Variants in STAT4 observed in about 807,000 individuals in gnomAD.
STAT4 encodes signal transducer and activator of transcription 4.
STAT4 carries 42 observed loss-of-function variants against 110.5 expected under a neutral mutation model. That is an observed-to-expected ratio of 0.38 (90% CI 0.30 to 0.49). The LOEUF (loss-of-function observed/expected upper bound fraction) is 0.49. Ranked by LOEUF, STAT4 falls within the 20% of genes least tolerant of loss-of-function variation. The probability of loss-of-function intolerance (pLI) is 0.95; values close to 1 mark genes in which losing one functional copy is unlikely to be tolerated. For synonymous variants in STAT4, 284 were observed against 302.2 expected (o/e 0.94, Z 0.63); for missense variants, 632 against 887.9 (o/e 0.71, Z 3.66).
intron 1 of STAT4, among the ~76,000 whole-genome samples, chr2:191,148,702 T>C (rs1031490749): frequency 2.0e-5 from 3 of 152,238 alleles, no homozygotes; most frequent in Non-Finnish European, 4.4e-5. Context: ...CAGATTTGTC[T>C]GGCTTCTAGA....
In STAT4 at chr2:191,033,289, T is replaced by G. The variant is rs916378953; in HGVS notation, c.1853-140A>C. 2.6e-6 allele frequency: 3 copies of G among 1,144,058 alleles called. No homozygotes were observed. Among genetic ancestry groups the G allele is most frequent in the African/African-American group, 3.1e-5 (2 of 63,630 alleles). 70.9% of individuals were successfully genotyped at this position (1,144,058 alleles called of 1,614,324 possible). Reference sequence around the variant, plus strand: ...CTTCAATGTCAGACCTTCTGCTGTCTGGACAGTATAGATTGTGCATACGAT... The same window carrying G: ...CTTCAATGTCAGACCTTCTGCTGTCGGGACAGTATAGATTGTGCATACGAT... On this transcript the variant is annotated intron_variant, in intron 20 of 23. Coordinates refer to ENST00000392320, the MANE Select transcript of STAT4 (RefSeq NM_003151.4). This position sits in a 1 kb window ranked among gnomAD's most constrained non-coding sequence, Gnocchi z 6.9.
At position 191,099,423 on chromosome 2, in the gene STAT4, C is replaced by A. The variant is rs1222151612; in HGVS notation, c.274-23098G>T. Reference sequence around the variant, plus strand: ...TATGTACAAGATCGTTTGTTTCAATCCTGTTTATAGTGGAGAACCAAAAGT... The same window carrying A: ...TATGTACAAGATCGTTTGTTTCAATACTGTTTATAGTGGAGAACCAAAAGT... On this transcript the variant is annotated intron_variant, in intron 3 of 23. Coordinates refer to ENST00000392320, the MANE Select transcript of STAT4 (RefSeq NM_003151.4). The surrounding 1 kb of genome is among the most constrained non-coding windows in gnomAD (Gnocchi z 4.1). Among the ~76,000 whole-genome samples, 1 of 152,064 alleles carries A rather than the reference C, an allele frequency of 6.6e-6. No homozygotes were observed. Among genetic ancestry groups the A allele is most frequent in the African/African-American group, 2.4e-5 (1 of 41,418 alleles).
chr2:191,107,931 A>G lies in STAT4; in HGVS notation c.274-31606T>C, dbSNP rs1402109722. 1.3e-5 allele frequency among the ~76,000 whole-genome samples: 2 copies of G among 152,190 alleles called. No homozygotes were observed. Among genetic ancestry groups the G allele is most frequent in the African/African-American group, 4.8e-5 (2 of 41,450 alleles). On this transcript the variant is annotated intron_variant, in intron 3 of 23. Transcript: ENST00000392320. The surrounding 1 kb of genome is among the most constrained non-coding windows in gnomAD (Gnocchi z 4.2). Reference sequence around the variant, plus strand: ...ATGCCCATATTTTACAAAATGGAGTAATTTTCATGATCTCTGAAAACTATT... The same window carrying G: ...ATGCCCATATTTTACAAAATGGAGTGATTTTCATGATCTCTGAAAACTATT...
intron 5 of STAT4, among the ~76,000 whole-genome samples, chr2:191,072,697 G>A (rs1697201081): frequency 6.6e-6 from 1 of 151,858 alleles, no homozygotes; most frequent in South Asian, 2.1e-4. Flanking sequence ...GACTGATTAT[G>A]GAAAAAAGAG....
chr2:191,031,091 T>G lies in STAT4; in HGVS notation c.2112-11A>C. On this transcript the variant is annotated splice_polypyrimidine_tract_variant and intron_variant, in intron 22 of 23. Coordinates refer to ENST00000392320, the MANE Select transcript of STAT4 (RefSeq NM_003151.4). This position sits in a 1 kb window ranked among gnomAD's most constrained non-coding sequence, Gnocchi z 4.8. ...GTTGAATCACTTCGGCTTAAAGAGA[T>G]AACAAGGTCAATATGGACAAGGATT... The G allele has an allele frequency of 6.2e-7, 1 of 1,612,540 alleles. No homozygotes were observed. The highest frequency in any genetic ancestry group is 1.1e-5 in the South Asian group (1 of 91,064).
chr2:191,106,385 C>T (rs1698281141), intron 3 of STAT4, among the ~76,000 whole-genome samples: 2 of 151,688 alleles, frequency 1.3e-5, no homozygotes, highest in Non-Finnish European at 2.9e-5. Context: ...TTAGGCTGGG[C>T]ACGGTGGCTC....
intron 3 of STAT4, among the ~76,000 whole-genome samples, chr2:191,103,596 G>A (rs1698202113): frequency 1.3e-5 from 2 of 152,040 alleles, no homozygotes; most frequent in Admixed American, 1.3e-4. Flanking sequence ...CATAGAGTTG[G>A]TCCTATTTCA....
Position 191,147,427 on chromosome 2 carries a change from G to T in STAT4, c.128+649C>A, listed in dbSNP as rs1574204763. ...AGTTACAAAAGGAAAAATATTGTGT[G>T]ATTCCAATTATCTAAAGTACCTAGA... On this transcript the variant is annotated intron_variant, in intron 2 of 23. Coordinates refer to ENST00000392320, the MANE Select transcript of STAT4 (RefSeq NM_003151.4). The surrounding 1 kb of genome is among the most constrained non-coding windows in gnomAD (Gnocchi z 4.1). Among the ~76,000 whole-genome samples, 1 of 152,152 alleles carries T rather than the reference G, an allele frequency of 6.6e-6. No individual in the cohort carries two copies. Among genetic ancestry groups the T allele is most frequent in the Non-Finnish European group, 1.5e-5 (1 of 68,022 alleles).
intron 13 of STAT4, among the ~76,000 whole-genome samples, chr2:191,057,354 C>T (rs1696727337): frequency 6.6e-6 from 1 of 152,160 alleles, no homozygotes; most frequent in Non-Finnish European, 1.5e-5. Flanking sequence ...TTCATTCTTT[C>T]AATGGCTGAA....
At chr2:191,139,413 A>C (rs1453987781) in intron 3 of STAT4, among the ~76,000 whole-genome samples, 1 of 152,218 alleles carries the variant, frequency 6.6e-6, no homozygotes, top group African/African-American at 2.4e-5. Context: ...CAGGATACGA[A>C]ATCAATGTAC....
At chr2:191,080,709 C>A (rs1320753341) in intron 3 of STAT4, among the ~76,000 whole-genome samples, 3 of 152,104 alleles carry the variant, frequency 2.0e-5, no homozygotes, top group Non-Finnish European at 2.9e-5. Flanking sequence ...AGGCAGATGT[C>A]CATGGAATCA....
rs534125703 is a variant in STAT4, at chr2:191,120,970, C to G, written c.273+25643G>C. Among the ~76,000 whole-genome samples, 279 of 152,282 alleles carry G rather than the reference C, an allele frequency of 1.8e-3. 6 individuals carry two copies. The South Asian group carries it at 0.055, about 30-fold the overall frequency. ...TCTGCACAGCAAAAGAAACTACCAT[C>G]AGAGTGAACAGGCAACCTACAGAGT... On this transcript the variant is annotated intron_variant, in intron 3 of 23. Transcript: ENST00000392320.
At chr2:191,040,056 TTAAGA>T (rs1696146883) in intron 15 of STAT4, among the ~76,000 whole-genome samples, 1 of 152,168 alleles carries the variant, frequency 6.6e-6, no homozygotes, top group Non-Finnish European at 1.5e-5. Context: ...ATTACCATCA[TTAAGA>T]TAAAAGAGCA....
At chr2:191,057,573 T>C (rs980558582) in intron 13 of STAT4, among the ~76,000 whole-genome samples, 12 of 70,838 alleles carry the variant, frequency 1.7e-4, no homozygotes, top group Admixed American at 2.3e-4. Context: ...TGGTTCCTAA[T>C]TTCTTTTCTT....
rs931765883 is a variant in STAT4, at chr2:191,051,213, G to A, written c.1251+3277C>T. Among the ~76,000 whole-genome samples, 3 of 152,228 alleles carry A rather than the reference G, an allele frequency of 2.0e-5. No individual in the cohort carries two copies. Among genetic ancestry groups the A allele is most frequent in the Non-Finnish European group, 4.4e-5 (3 of 68,042 alleles). ...GGACCACATCTCCAGCAGAGCACTT[G>A]ACAGGTGAGCAGAGAAGGAGAAAGA... On this transcript the variant is annotated intron_variant, in intron 14 of 23. Coordinates refer to ENST00000392320, the MANE Select transcript of STAT4 (RefSeq NM_003151.4). The surrounding 1 kb of genome is among the most constrained non-coding windows in gnomAD (Gnocchi z 5.6).
Position 191,029,907 on chromosome 2 carries a change from G to T in STAT4, c.2221-41C>A, listed in dbSNP as rs200818332. 4.8e-5 allele frequency: 71 copies of T among 1,477,660 alleles called. No individual in the cohort carries two copies. Among genetic ancestry groups the T allele is most frequent in the Non-Finnish European group, 8.4e-6 (9 of 1,077,232 alleles). The allele number at this position is 1,477,660 out of a possible 1,614,324, so 91.5% of individuals were successfully genotyped here. A position where few individuals can be genotyped will look rare whatever the true frequency, so the allele number is the denominator to read the frequency against. On this transcript the variant is annotated intron_variant, in intron 23 of 23. Transcript: ENST00000392320. This position sits in a 1 kb window ranked among gnomAD's most constrained non-coding sequence, Gnocchi z 4.5. ...AAAATAATCTTTGAGGAAACTACTGGTTTTCAAATCAATCACTATTTCTTG... is the reference window on the plus strand; with the variant it reads ...AAAATAATCTTTGAGGAAACTACTGTTTTTCAAATCAATCACTATTTCTTG...
chr2:191,111,611 G>A (rs1698425470), intron 3 of STAT4, among the ~76,000 whole-genome samples: 1 of 152,184 alleles, frequency 6.6e-6, no homozygotes, highest in Non-Finnish European at 1.5e-5. Context: ...CCAACACTTC[G>A]GGAGGCTGAG....
rs1000881152 is a variant in STAT4 at position 191,107,660 on chromosome 2, T to A, written c.274-31335A>T. On this transcript the variant is annotated intron_variant, in intron 3 of 23. Transcript: ENST00000392320. The surrounding 1 kb of genome is among the most constrained non-coding windows in gnomAD (Gnocchi z 4.2). ...CTGTGTCCATCTTTTGGTTTTGATA[T>A]AGTGTTTTGTTTGCAGGGTTAGCAA... 6.6e-6 allele frequency among the ~76,000 whole-genome samples: 1 copy of A among 152,234 alleles called. No individual in the cohort carries two copies. The highest frequency in any genetic ancestry group is 1.5e-5 in the Non-Finnish European group (1 of 68,038).
At chr2:191,057,960 G>T (rs1318494254) in intron 13 of STAT4, 58 bp downstream of exon 13, 1 of 1,391,658 alleles carries the variant, frequency 7.2e-7, no homozygotes, top group East Asian at 2.3e-5. Context: ...AGGCGTATTA[G>T]TAAAGATGTC....
Sources: gnomAD v4.1 joint callset for allele counts (sites outside exome capture counted in the v4.1 genomes callset) on GRCh38, gnomAD v4.1.1 for gene constraint, Gnocchi (gnomAD v3.1) non-coding constraint, MANE v1.5 for transcripts, NCBI Gene and HGNC (gene_info 2026-07-23, HGNC 2026-07-21) for gene names.